PDLIM5: variants seen among roughly 807,000 people sequenced by gnomAD.
The protein encoded by PDLIM5 is PDZ and LIM domain protein 5.
In PDLIM5, 34 loss-of-function variants were observed where a neutral mutation model predicts 64.2. The ratio of observed to expected loss-of-function variants is 0.53; its 90% confidence interval spans 0.40 to 0.71. The LOEUF (loss-of-function observed/expected upper bound fraction) is 0.71, where lower values mean the gene tolerates loss of function less well. PDLIM5 is among the 30% of genes least tolerant of loss of function. PDLIM5 has a pLI of 0.00. For missense variants in PDLIM5, 683 were observed against 733.6 expected, an observed-to-expected ratio of 0.93 and a Z score of 0.80; for synonymous variants, 253 against 269.1, an observed-to-expected ratio of 0.94 and a Z score of 0.59.
chr4:94,534,122 T>C (rs952390589), intron 3 of PDLIM5, among the ~76,000 whole-genome samples: 2 of 152,198 alleles, frequency 1.3e-5, no homozygotes, highest in Non-Finnish European at 2.9e-5. Context: ...GTCTTGTTTA[T>C]TCTGCTAACT....
intron 2 of PDLIM5, among the ~76,000 whole-genome samples, chr4:94,458,953 C>T (rs1401617362): frequency 1.3e-5 from 2 of 152,130 alleles, no homozygotes; most frequent in Non-Finnish European, 2.9e-5. Flanking sequence ...CATTTAATTT[C>T]CGATCCTTAA....
At chr4:94,493,623 A>T (rs1360881608) in intron 2 of PDLIM5, among the ~76,000 whole-genome samples, 2 of 152,226 alleles carry the variant, frequency 1.3e-5, no homozygotes, top group Admixed American at 6.5e-5. Context: ...ATTTAGTATT[A>T]TAAAAGCTGC....
chr4:94,620,098 TA>T (rs1739101887), intron 8 of PDLIM5, among the ~76,000 whole-genome samples: 7 of 152,212 alleles, frequency 4.6e-5, no homozygotes, highest in Admixed American at 4.6e-4. Flanking sequence ...TTGGTTGCAC[TA>T]AACCATCTTC....
At chr4:94,586,150 A>T (rs1197615238) in intron 6 of PDLIM5, among the ~76,000 whole-genome samples, 2 of 152,098 alleles carry the variant, frequency 1.3e-5, no homozygotes, top group African/African-American at 2.4e-5. Flanking sequence ...AGCCTGGGTG[A>T]TGGAGGGGCT....
chr4:94,464,993 C>T (rs1425857642), intron 2 of PDLIM5, among the ~76,000 whole-genome samples: 2 of 152,054 alleles, frequency 1.3e-5, no homozygotes, highest in Non-Finnish European at 2.9e-5. Context: ...ATGAGCTTCC[C>T]ATTATCTTTT....
At chr4:94,501,763 A>G (rs1727943545) in intron 2 of PDLIM5, among the ~76,000 whole-genome samples, 1 of 152,092 alleles carries the variant, frequency 6.6e-6, no homozygotes, top group African/African-American at 2.4e-5. Context: ...CCCTCACTCA[A>G]CCAACCTCCC....
chr4:94,456,849 C>T (rs1027915169), intron 2 of PDLIM5: 8 of 1,106,196 alleles, frequency 7.2e-6, no homozygotes, highest in African/African-American at 1.7e-5. Context: ...GTGAATGCAT[C>T]ATCTCATTTA....
chr4:94,523,816 T>TGG lies in PDLIM5; in HGVS notation c.189_190insGG (p.Leu64GlyfsTer15). On this transcript the variant is annotated frameshift_variant, in exon 3 of 13. Coordinates refer to ENST00000317968, the MANE Select transcript of PDLIM5 (RefSeq NM_006457.5). LOFTEE classifies it high-confidence loss of function. ...GAATAAATGCACAAGGAATGACTCA[T>TGG]CTTGAAGCCCAGAATAAGATTAAGG... 1 of 1,612,490 alleles carries TGG rather than the reference T, an allele frequency of 6.2e-7. No individual in the cohort carries two copies. The highest frequency in any genetic ancestry group is 8.5e-7 in the Non-Finnish European group (1 of 1,178,584).
chr4:94,456,000 T>C, intron 2 of PDLIM5: 1 of 1,439,198 alleles, frequency 6.9e-7, no homozygotes, highest in Non-Finnish European at 9.1e-7. Context: ...GGATATGTTT[T>C]CATGATGATG....
intron 2 of PDLIM5, among the ~76,000 whole-genome samples, chr4:94,513,106 C>G (rs1729041499): frequency 6.6e-6 from 1 of 152,102 alleles, no homozygotes; most frequent in Non-Finnish European, 1.5e-5. Context: ...CTGTTTTTAT[C>G]AGTACCATGC....
chr4:94,459,834 C>T (rs1352512511), intron 2 of PDLIM5, among the ~76,000 whole-genome samples: 3 of 152,142 alleles, frequency 2.0e-5, no homozygotes, highest in East Asian at 1.9e-4. Context: ...AGCATTTCTC[C>T]GTGTTGTCCA....
chr4:94,502,453 T>A (rs1211524470), intron 2 of PDLIM5, among the ~76,000 whole-genome samples: 1 of 152,224 alleles, frequency 6.6e-6, no homozygotes, highest in Admixed American at 6.5e-5. Context: ...TCACACTGCC[T>A]GGGTTCCAGC....
At chr4:94,478,899 T>G (rs796953585) in intron 2 of PDLIM5, among the ~76,000 whole-genome samples, 5 of 136,858 alleles carry the variant, frequency 3.7e-5, no homozygotes, top group African/African-American at 6.5e-5. Flanking sequence ...TGTTTTTTTT[T>G]TTTTTTTTTT....
intron 2 of PDLIM5, among the ~76,000 whole-genome samples, chr4:94,460,134 C>T (rs781603538): frequency 6.6e-5 from 10 of 152,100 alleles, no homozygotes; most frequent in Non-Finnish European, 1.2e-4. Context: ...ATGTATATTT[C>T]ACATGTGTGT....
chr4:94,508,789 G>C (rs1728616711), intron 2 of PDLIM5, among the ~76,000 whole-genome samples: 2 of 152,084 alleles, frequency 1.3e-5, no homozygotes, highest in Non-Finnish European at 2.9e-5. Flanking sequence ...ACTTTCAATG[G>C]CAAAAACTGT....
intron 3 of PDLIM5, among the ~76,000 whole-genome samples, chr4:94,563,864 A>C (rs1208872428): frequency 2.7e-5 from 4 of 150,658 alleles, no homozygotes; most frequent in Non-Finnish European, 1.5e-5. Flanking sequence ...GCTTGTACAG[A>C]TCATTTATTG....
chr4:94,477,710 A>T (rs926836315), intron 2 of PDLIM5, among the ~76,000 whole-genome samples: 1 of 152,176 alleles, frequency 6.6e-6, no homozygotes, highest in East Asian at 1.9e-4. Flanking sequence ...GTCCATTTAT[A>T]TGGTGATTTT....
At chr4:94,515,607 T>G (rs1176478137) in intron 2 of PDLIM5, among the ~76,000 whole-genome samples, 1 of 152,192 alleles carries the variant, frequency 6.6e-6, no homozygotes, top group Non-Finnish European at 1.5e-5. Flanking sequence ...TCCTATAATT[T>G]TTTTGGTTAT....
At chr4:94,579,454 C>T (rs1195638558) in intron 5 of PDLIM5, 5 of 736,330 alleles carry the variant, frequency 6.8e-6, no homozygotes, top group Non-Finnish European at 1.1e-5. Flanking sequence ...CTTTGAAGAA[C>T]CTGGCCTTGG....
Sources: allele counts gnomAD v4.1 joint callset (sites outside exome capture counted in the v4.1 genomes callset), GRCh38; gene constraint gnomAD v4.1.1; transcripts MANE v1.5; gene names NCBI Gene and HGNC (gene_info 2026-07-23, HGNC 2026-07-21).